Variants in EIF4A2 observed in about 807,000 individuals in gnomAD.
The protein encoded by EIF4A2 is eukaryotic initiation factor 4A-II.
Under a neutral mutation model 50.6 loss-of-function variants are expected in EIF4A2, and 9 were observed. The observed-to-expected ratio is 0.18, with a 90% CI of 0.11 to 0.31. The LOEUF (loss-of-function observed/expected upper bound fraction) is 0.31, where lower values mean the gene tolerates loss of function less well. Ranked by LOEUF, EIF4A2 falls within the 10% of genes least tolerant of loss-of-function variation. EIF4A2 has a pLI of 1.00. For synonymous variants in EIF4A2, 215 were observed against 164.4 expected (o/e 1.31, Z -2.35); for missense variants, 182 against 501.8 (o/e 0.36, Z 6.09).
intron 1 of EIF4A2, chr3:186,784,048 TC>T: frequency 2.4e-6 from 1 of 423,978 alleles, no homozygotes; most frequent in Non-Finnish European, 4.3e-6. Flanking sequence ...GGCAGCGGTC[TC>T]CACTCGGCCA....
At position 186,786,598 on chromosome 3, in the gene EIF4A2, T is replaced by C. The variant is rs781303236; in HGVS notation, c.724T>C (p.Leu242=). Residue 242 remains leucine, a synonymous_variant, in exon 7 of 11, where the codon TTG becomes CTG. Transcript: ENST00000323963. ...TCGAATTCTGGTGAAAAAGGAAGAA[T>C]TGACCCTTGAAGGAATCAAACAGTT... ...PIRILVKKEE[L]TLEGIKQFYI... The C allele has an allele frequency of 1.2e-6, 2 of 1,613,944 alleles. No homozygotes were observed. Among genetic ancestry groups the C allele is most frequent in the Non-Finnish European group, 8.5e-7 (1 of 1,179,994 alleles).
rs200188970 is a variant in EIF4A2, at chr3:186,783,582, C to T, written c.-29C>T. ...GGGTGGTTGGGCGCCGCTGTCTTTT[C>T]AGTCGGGCGCTGAGTGGTTTTTCGG... On this transcript the variant is annotated 5_prime_UTR_variant, in exon 1 of 11. Coordinates refer to ENST00000323963, the MANE Select transcript of EIF4A2 (RefSeq NM_001967.4). 54 of 1,614,138 alleles carry T rather than the reference C, an allele frequency of 3.3e-5. No homozygotes were observed. In the Admixed American group the frequency reaches 3.5e-4, roughly 10 times the overall value.
rs1426539966 is a variant in EIF4A2 at position 186,785,059 on chromosome 3, C to G, written c.306C>G (p.Thr102=). 2 of 1,613,864 alleles carry G rather than the reference C, an allele frequency of 1.2e-6. No individual in the cohort carries two copies. The highest frequency in any genetic ancestry group is 1.3e-5 in the African/African-American group (1 of 74,862). ...AGTTGGAGATTGAGTTCAAGGAGACCCAAGCACTAGTATTGGCCCCCACCA... is the reference window on the plus strand; with the variant it reads ...AGTTGGAGATTGAGTTCAAGGAGACGCAAGCACTAGTATTGGCCCCCACCA... ...LQQLEIEFKE[T]QALVLAPTRE... Residue 102 remains threonine (T), a synonymous_variant, in exon 4 of 11, where the codon ACC becomes ACG. Transcript: ENST00000323963.
At chr3:186,788,996 G>A (rs2108463619) in intron 10 of EIF4A2, 129 bp from the exon 11 acceptor site, 1 of 1,339,122 alleles carries the variant, frequency 7.5e-7, no homozygotes, top group African/African-American at 1.5e-5. Flanking sequence ...AGCAGCTAGT[G>A]CTCCAGTTAG....
chr3:186,789,100 C>A, intron 10 of EIF4A2, 25 bp from the exon 11 acceptor site: 1 of 1,608,204 alleles, frequency 6.2e-7, no homozygotes, highest in Non-Finnish European at 8.5e-7. Context: ...TGAGAAGTAA[C>A]GTTCTGATTC....
intron 10 of EIF4A2, chr3:186,788,490 TGTATTA>T: frequency 8.5e-7 from 1 of 1,170,476 alleles, no homozygotes; most frequent in Non-Finnish European, 1.1e-6. Flanking sequence ...GGCATTTTTT[TGTATTA>T]GTATTTCTAT....
intron 1 of EIF4A2, chr3:186,783,931 T>C: frequency 4.3e-6 from 2 of 461,748 alleles, no homozygotes; most frequent in Non-Finnish European, 7.7e-6. Flanking sequence ...TAAAAAGCCG[T>C]GGCGCAGTCC....
At chr3:186,788,199 G>A (rs776585695) in intron 10 of EIF4A2, 16 of 925,782 alleles carry the variant, frequency 1.7e-5, no homozygotes, top group Admixed American at 6.2e-5. Flanking sequence ...TCTTGGTGTC[G>A]CCTGGTAGCA....
intron 4 of EIF4A2, chr3:186,785,321 C>G: frequency 3.2e-6 from 2 of 619,058 alleles, no homozygotes; most frequent in Non-Finnish European, 5.4e-6. Flanking sequence ...CCGAAGCGCT[C>G]TCTTGGATGT....
intron 8 of EIF4A2, 50 bp downstream of exon 8, chr3:186,787,314 CT>C: frequency 6.2e-7 from 1 of 1,613,926 alleles, no homozygotes; most frequent in Non-Finnish European, 8.5e-7. Flanking sequence ...AGGATTCAGA[CT>C]ACAATATAGC....
rs995883653 is a variant in EIF4A2 at position 186,788,809 on chromosome 3, C to T, written c.1080-316C>T. 4.1e-5 allele frequency: 12 copies of T among 289,274 alleles called. No homozygotes were observed. In the East Asian group the frequency reaches 8.7e-4, roughly 21 times the overall value. The allele number at this position is 289,274 out of a possible 1,614,324, so 17.9% of individuals were successfully genotyped here. A position where few individuals can be genotyped will look rare whatever the true frequency, so the allele number is the denominator to read the frequency against. On this transcript the variant is annotated intron_variant, in intron 10 of 10. Coordinates refer to ENST00000323963, the MANE Select transcript of EIF4A2 (RefSeq NM_001967.4). Reference sequence around the variant, plus strand: ...CACATCTGTCCCAGGCTGACACCTGCTCTTGGCTGGCCCACTTTGGTATGG... The same window carrying T: ...CACATCTGTCCCAGGCTGACACCTGTTCTTGGCTGGCCCACTTTGGTATGG...
Position 186,789,414 on chromosome 3 carries a change from G to A in EIF4A2, c.*145G>A, listed in dbSNP as rs893970467. 8 of 1,203,296 alleles carry A rather than the reference G, an allele frequency of 6.6e-6. No individual in the cohort carries two copies. Among genetic ancestry groups the A allele is most frequent in the Middle Eastern group, 3.0e-4 (1 of 3,334 alleles). The allele number at this position is 1,203,296 out of a possible 1,614,324, so 74.5% of individuals were successfully genotyped here. The stretch of plus-strand genomic sequence containing the variant: ...GAAATACAGATTTTGATAGCAAAGC[G>A]ACGTTAGTCGTGAGCTCTTGTGAGG... On this transcript the variant is annotated 3_prime_UTR_variant, in exon 11 of 11. Transcript: ENST00000323963.
intron 10 of EIF4A2, chr3:186,788,176 A>G (rs1390066801): frequency 4.0e-6 from 3 of 754,788 alleles, no homozygotes; most frequent in African/African-American, 3.6e-5. Flanking sequence ...GATTTTTTCT[A>G]TAGTTGGGAT....
At chr3:186,784,721 A>G (rs1721587048) in intron 3 of EIF4A2, 25 bp downstream of exon 3, 2 of 1,611,658 alleles carry the variant, frequency 1.2e-6, no homozygotes, top group East Asian at 2.2e-5. Flanking sequence ...CATTTTTAGG[A>G]AATTGTTCTA....
intron 4 of EIF4A2, chr3:186,785,634 AC>A (rs1405413648): frequency 2.4e-5 from 11 of 463,480 alleles, no homozygotes; most frequent in African/African-American, 2.1e-4. Flanking sequence ...AATGTAGGAA[AC>A]GTTATTCTTG....
At chr3:186,787,702 T>A (rs1284134616) in intron 9 of EIF4A2, 101 bp from the exon 10 acceptor site, 1 of 1,575,092 alleles carries the variant, frequency 6.3e-7, no homozygotes, top group Non-Finnish European at 8.7e-7. Context: ...CACTCCACAG[T>A]GGGCTATACC....
At chr3:186,785,150 C>G in intron 4 of EIF4A2, 49 bp downstream of exon 4, 1 of 1,606,054 alleles carries the variant, frequency 6.2e-7, no homozygotes, top group Non-Finnish European at 8.5e-7. Context: ...GCATAGGTTT[C>G]AGGTTTCACA....
At chr3:186,783,954 C>G (rs567668422) in intron 1 of EIF4A2, 96 of 470,080 alleles carry the variant, frequency 2.0e-4, no homozygotes, top group African/African-American at 1.7e-3. Flanking sequence ...GTTCGGTACA[C>G]TGTAACCAGG....
intron 1 of EIF4A2, chr3:186,784,193 G>T: frequency 1.7e-6 from 1 of 589,108 alleles, no homozygotes; most frequent in South Asian, 2.1e-5. Flanking sequence ...GCTCTCGCGA[G>T]ACGCTCCGCA....
Sources: allele counts gnomAD v4.1 joint callset, GRCh38; gene constraint gnomAD v4.1.1; transcripts MANE v1.5; gene names NCBI Gene and HGNC (gene_info 2026-07-23, HGNC 2026-07-21).